KANSL1L: variants seen among roughly 807,000 people sequenced by gnomAD.
KANSL1L encodes KAT8 regulatory NSL complex subunit 1-like protein.
A neutral mutation model predicts 108.6 loss-of-function variants in KANSL1L; 25 were observed. The ratio of observed to expected loss-of-function variants is 0.23; its 90% CI spans 0.17 to 0.32. The LOEUF (loss-of-function observed/expected upper bound fraction) is 0.32. Among genes scored for constraint, KANSL1L ranks in the 10% least tolerant of loss-of-function variants. The pLI, the probability that KANSL1L is intolerant of heterozygous loss-of-function variation, is 1.00. For missense variants in KANSL1L, 1,137 were observed against 1,125.7 expected (o/e 1.01, Z -0.14); for synonymous variants, 405 against 395.1 (o/e 1.03, Z -0.30).
intron 2 of KANSL1L, among the ~76,000 whole-genome samples, chr2:210,132,646 C>A (rs1284836642): frequency 6.6e-6 from 1 of 152,208 alleles, no homozygotes; most frequent in Non-Finnish European, 1.5e-5. Flanking sequence ...CACAAACTTA[C>A]ATCTTTGTTT....
At chr2:210,134,736 T>C (rs142100339) in intron 2 of KANSL1L, among the ~76,000 whole-genome samples, 125 of 152,254 alleles carry the variant, frequency 8.2e-4, no homozygotes, top group African/African-American at 3.0e-3. Flanking sequence ...GATCTTTGGC[T>C]GTGGTATTTT....
chr2:210,134,451 T>G (rs946549096), intron 2 of KANSL1L, among the ~76,000 whole-genome samples: 1 of 152,124 alleles, frequency 6.6e-6, no homozygotes, highest in African/African-American at 2.4e-5. Flanking sequence ...CTAGTAGGTT[T>G]TATATAAATA....
At chr2:210,166,838 G>A (rs1334893293) in intron 1 of KANSL1L, among the ~76,000 whole-genome samples, 2 of 152,034 alleles carry the variant, frequency 1.3e-5, no homozygotes, top group African/African-American at 4.8e-5. Flanking sequence ...TTCCACACTT[G>A]TGACCTAAAT....
At chr2:210,163,550 G>T (rs1435023221) in intron 1 of KANSL1L, among the ~76,000 whole-genome samples, 1 of 152,002 alleles carries the variant, frequency 6.6e-6, no homozygotes, top group Non-Finnish European at 1.5e-5. Context: ...TGTAACATAT[G>T]CATAATGGGA....
intron 1 of KANSL1L, among the ~76,000 whole-genome samples, chr2:210,169,329 T>C (rs1181316837): frequency 6.6e-6 from 1 of 152,152 alleles, no homozygotes; most frequent in East Asian, 1.9e-4. Flanking sequence ...TAAAATATGA[T>C]AGTTACATGG....
At chr2:210,134,753 T>C (rs1260532235) in intron 2 of KANSL1L, among the ~76,000 whole-genome samples, 2 of 152,098 alleles carry the variant, frequency 1.3e-5, no homozygotes, top group Non-Finnish European at 2.9e-5. Flanking sequence ...TTTTCACATA[T>C]AACTGACAGG....
At position 210,108,658 on chromosome 2, in the gene KANSL1L, C is replaced by T. The variant is rs184863407; in HGVS notation, c.1231-4357G>A. ...AATTATATCCTTTATGGAAAATGAT[C>T]AAAGAGGAGAGATTATGCGGTGATC... On this transcript the variant is annotated intron_variant, in intron 3 of 14. Coordinates refer to ENST00000281772, the MANE Select transcript of KANSL1L (RefSeq NM_152519.4). 8.0e-4 allele frequency among the ~76,000 whole-genome samples: 120 copies of T among 150,848 alleles called. 1 individual carries two copies. The highest frequency in any genetic ancestry group is 2.3e-3 in the African/African-American group (96 of 41,220).
intron 2 of KANSL1L, chr2:210,151,743 G>C (rs2095305482): frequency 6.6e-6 from 1 of 152,160 alleles, no homozygotes; most frequent in African/African-American, 2.4e-5. Flanking sequence ...TAAATAACTA[G>C]CACAATGCCA....
chr2:210,165,697 A>C (rs1687912659), intron 1 of KANSL1L, among the ~76,000 whole-genome samples: 1 of 152,192 alleles, frequency 6.6e-6, no homozygotes, highest in South Asian at 2.1e-4. Context: ...CTATACCATA[A>C]ATTCTAATTT....
chr2:210,055,758 T>C (rs1376742577), intron 6 of KANSL1L, among the ~76,000 whole-genome samples: 1 of 152,178 alleles, frequency 6.6e-6, no homozygotes, highest in Non-Finnish European at 1.5e-5. Flanking sequence ...AAAGATGATC[T>C]AGAGTATCTG....
intron 5 of KANSL1L, among the ~76,000 whole-genome samples, chr2:210,079,644 A>ATATATATATATATGTG (rs1559539651): frequency 1.1e-4 from 1 of 8,982 alleles, no homozygotes; most frequent in Non-Finnish European, 3.3e-4. Context: ...ATATATATAT[A>ATATATATATATATGTG]TATATATATA....
chr2:210,028,035 T>C (rs1015277575), intron 11 of KANSL1L, among the ~76,000 whole-genome samples: 8 of 152,216 alleles, frequency 5.3e-5, no homozygotes, highest in African/African-American at 1.9e-4. Context: ...CAGCCTTTTC[T>C]GTCTCTACTT....
At chr2:210,141,713 C>T (rs1237090219) in intron 2 of KANSL1L, among the ~76,000 whole-genome samples, 1 of 152,150 alleles carries the variant, frequency 6.6e-6, no homozygotes, top group Non-Finnish European at 1.5e-5. Context: ...GTGAGCTTAT[C>T]ATATATGGCC....
chr2:210,142,173 T>A (rs2095235312), intron 2 of KANSL1L, among the ~76,000 whole-genome samples: 4 of 152,048 alleles, frequency 2.6e-5, no homozygotes, highest in African/African-American at 4.8e-5. Context: ...ATTACTGTTT[T>A]AATCTCTTTA....
rs1048963739 is a variant in KANSL1L, at chr2:210,076,711, T to C, written c.1551-955A>G. On this transcript the variant is annotated intron_variant, in intron 5 of 14. Coordinates refer to ENST00000281772, the MANE Select transcript of KANSL1L (RefSeq NM_152519.4). ...AAAAATTATATTTAAATATTTCAAATATTTTACAATATCAGAACATCAGGA... is the reference window on the plus strand; with the variant it reads ...AAAAATTATATTTAAATATTTCAAACATTTTACAATATCAGAACATCAGGA... 2.0e-5 allele frequency among the ~76,000 whole-genome samples: 3 copies of C among 151,640 alleles called. No homozygotes were observed. In the South Asian group the frequency reaches 6.2e-4, roughly 31 times the overall value.
intron 1 of KANSL1L, among the ~76,000 whole-genome samples, chr2:210,160,980 G>A (rs1014103084): frequency 4.6e-5 from 7 of 150,598 alleles, no homozygotes; most frequent in Non-Finnish European, 1.0e-4. Flanking sequence ...ACGCACATAC[G>A]GCCAATTTTT....
intron 2 of KANSL1L, among the ~76,000 whole-genome samples, chr2:210,140,483 C>T (rs960943186): frequency 2.6e-5 from 4 of 152,126 alleles, no homozygotes; most frequent in Non-Finnish European, 4.4e-5. Context: ...GGATTTATTT[C>T]TAGGCTCTCT....
intron 3 of KANSL1L, among the ~76,000 whole-genome samples, chr2:210,106,270 T>G (rs1200261268): frequency 6.6e-6 from 1 of 152,136 alleles, no homozygotes; most frequent in East Asian, 1.9e-4. Context: ...GATTCCAGTT[T>G]ATAGTATGGG....
chr2:210,165,083 T>C (rs1235223230), intron 1 of KANSL1L, among the ~76,000 whole-genome samples: 1 of 151,550 alleles, frequency 6.6e-6, no homozygotes. Context: ...GCCAGGCTGG[T>C]CTCGAACTCC....
Sources: gnomAD v4.1 joint callset for allele counts (sites outside exome capture counted in the v4.1 genomes callset) on GRCh38, gnomAD v4.1.1 for gene constraint, MANE v1.5 for transcripts, NCBI Gene and HGNC (gene_info 2026-07-23, HGNC 2026-07-21) for gene names.